PCDH15: variants seen among roughly 807,000 people sequenced by gnomAD.
PCDH15 encodes the protein protocadherin related 15, also known as protocadherin-15.
Under a neutral mutation model 178.5 loss-of-function variants are expected in PCDH15, and 129 were observed. The ratio of observed to expected loss-of-function variants is 0.72; its 90% confidence interval spans 0.63 to 0.84. The LOEUF (loss-of-function observed/expected upper bound fraction) is 0.84. PCDH15 is among the 40% of genes least tolerant of loss of function. The pLI is 0.00. For missense variants in PCDH15, 2,230 were observed against 2,099.9 expected (o/e 1.06, Z -1.21); for synonymous variants, 800 against 732.0 (o/e 1.09, Z -1.50).
At chr10:55,322,350 A>T (rs1226149989), upstream of PCDH15, among the ~76,000 whole-genome samples, 6 of 152,142 alleles carry the variant, frequency 3.9e-5, no homozygotes, top group Admixed American at 3.9e-4. Flanking sequence ...TTATTAGCAG[A>T]ATGGGAATAG....
At chr10:54,919,317 T>C (rs1241155151) in intron 2 of PCDH15, among the ~76,000 whole-genome samples, 1 of 152,164 alleles carries the variant, frequency 6.6e-6, no homozygotes, top group East Asian at 1.9e-4. Context: ...GAACATTATA[T>C]AGGGCAAGAT....
chr10:54,623,903 T>C (rs952855861), intron 2 of PCDH15, among the ~76,000 whole-genome samples: 9 of 152,132 alleles, frequency 5.9e-5, no homozygotes, highest in Admixed American at 1.3e-4. Context: ...ATTTGGAAAC[T>C]GTTGATGGTT....
At chr10:54,400,484 A>G (rs1951793715) in intron 3 of PCDH15, among the ~76,000 whole-genome samples, 1 of 152,110 alleles carries the variant, frequency 6.6e-6, no homozygotes, top group Non-Finnish European at 1.5e-5. Flanking sequence ...TTCCATCATG[A>G]TACTATGTCA....
chr10:54,254,861 G>C (rs1238540806), intron 8 of PCDH15, among the ~76,000 whole-genome samples: 1 of 152,126 alleles, frequency 6.6e-6, no homozygotes, highest in Non-Finnish European at 1.5e-5. Context: ...TGCCCACCGG[G>C]TCTCTGGAAG....
intron 3 of PCDH15, among the ~76,000 whole-genome samples, chr10:54,480,964 G>A (rs1046675474): frequency 1.3e-5 from 2 of 151,830 alleles, no homozygotes; most frequent in Admixed American, 6.6e-5. Context: ...AGAAGTATGA[G>A]AGCCCGTATT....
chr10:54,204,334 A>C (rs560811653), intron 10 of PCDH15, among the ~76,000 whole-genome samples: 1 of 137,426 alleles, frequency 7.3e-6, no homozygotes, highest in East Asian at 2.2e-4. Flanking sequence ...ATCAACATTT[A>C]ATCCAATTAT....
At chr10:54,551,154 C>CA (rs57337778) in intron 2 of PCDH15, among the ~76,000 whole-genome samples, 1,220 of 51,974 alleles carry the variant, frequency 0.023, 87 homozygotes, top group African/African-American at 0.054. Context: ...GACTCTGTCT[C>CA]AAAAAAAAAA....
chr10:55,147,661 TAAA>T (rs1564838051), intron 2 of PCDH15, among the ~76,000 whole-genome samples: 2 of 142,620 alleles, frequency 1.4e-5, no homozygotes, highest in African/African-American at 2.6e-5. Flanking sequence ...CTTTTTTTTT[TAAA>T]TTTTATTATT....
At chr10:54,454,679 C>G (rs576924856) in intron 3 of PCDH15, among the ~76,000 whole-genome samples, 1 of 151,938 alleles carries the variant, frequency 6.6e-6, no homozygotes. Flanking sequence ...GAAATGAAAC[C>G]ATTTTGCTTT....
intron 1 of PCDH15, among the ~76,000 whole-genome samples, chr10:55,212,674 T>G (rs905592987): frequency 1.1e-4 from 16 of 152,004 alleles, no homozygotes; most frequent in Non-Finnish European, 1.6e-4. Flanking sequence ...TGATGCTAGA[T>G]TCCGGGAAGC....
At chr10:55,626,178 T>TAAATAAATAAATAAATA (rs1554807544) in intron 2 of PCDH15, among the ~76,000 whole-genome samples, 1 of 151,086 alleles carries the variant, frequency 6.6e-6, no homozygotes, top group African/African-American at 2.4e-5. Context: ...AATAAATAAA[T>TAAATAAATAAATAAATA]AAATAAAATA....
At chr10:55,058,356 G>A (rs961040973) in intron 2 of PCDH15, among the ~76,000 whole-genome samples, 1 of 152,026 alleles carries the variant, frequency 6.6e-6, no homozygotes, top group Non-Finnish European at 1.5e-5. Flanking sequence ...GACAATAGGT[G>A]CACCCACAAA....
At chr10:55,271,921 A>C (rs1166903413) in intron 1 of PCDH15, among the ~76,000 whole-genome samples, 2 of 152,178 alleles carry the variant, frequency 1.3e-5, no homozygotes, top group Non-Finnish European at 2.9e-5. Context: ...TCTAAGAGAA[A>C]ACATGGATAA....
intron 1 of PCDH15, among the ~76,000 whole-genome samples, chr10:55,277,125 A>G (rs371659394): frequency 1.1e-4 from 16 of 152,072 alleles, no homozygotes; most frequent in East Asian, 7.7e-4. Flanking sequence ...CATTGAGAGT[A>G]TCTAATCTGC....
At chr10:54,573,124 A>ATATATAAT (rs2090036886) in intron 2 of PCDH15, among the ~76,000 whole-genome samples, 1 of 152,020 alleles carries the variant, frequency 6.6e-6, no homozygotes, top group Non-Finnish European at 1.5e-5. Flanking sequence ...ATACATGCGT[A>ATATATAAT]TATATAATTT....
At chr10:53,912,217 GC>G (rs1267831278) in intron 25 of PCDH15, among the ~76,000 whole-genome samples, 1 of 152,122 alleles carries the variant, frequency 6.6e-6, no homozygotes, top group African/African-American at 2.4e-5. Flanking sequence ...CTCAATAAAT[GC>G]AGAAAAGGCC....
intron 2 of PCDH15, among the ~76,000 whole-genome samples, chr10:55,433,357 G>A (rs1447661804): frequency 6.6e-6 from 1 of 152,078 alleles, no homozygotes; most frequent in Non-Finnish European, 1.5e-5. Context: ...CTCGTAAGTG[G>A]TAGCTAAACA....
At chr10:54,962,093 C>A (rs564106090) in intron 2 of PCDH15, among the ~76,000 whole-genome samples, 1 of 152,338 alleles carries the variant, frequency 6.6e-6, no homozygotes, top group East Asian at 1.9e-4. Flanking sequence ...GGATGTGGGA[C>A]AAGAATTTGG....
chr10:54,695,244 G>T (rs1035680511), intron 1 of PCDH15, among the ~76,000 whole-genome samples: 10 of 152,178 alleles, frequency 6.6e-5, no homozygotes, highest in African/African-American at 2.4e-4. Flanking sequence ...TCTGATTGTG[G>T]ATATAGAGAA....
Sources: allele counts gnomAD v4.1 joint callset (sites outside exome capture counted in the v4.1 genomes callset), GRCh38; gene constraint gnomAD v4.1.1; transcripts MANE v1.5; gene names NCBI Gene and HGNC (gene_info 2026-07-23, HGNC 2026-07-21).